The following PRUNE2 variants were observed in gnomAD, a reference collection of about 807,000 sequenced individuals.
PRUNE2 encodes prune homolog 2 with BCH domain, also known as protein prune homolog 2.
Under a neutral mutation model 252.0 loss-of-function variants are expected in PRUNE2, and 164 were observed. The observed-to-expected ratio is 0.65, with a 90% CI of 0.57 to 0.74. The LOEUF (loss-of-function observed/expected upper bound fraction) is 0.74. Ranked by LOEUF, PRUNE2 falls within the 30% of genes least tolerant of loss-of-function variation. PRUNE2 has a pLI of 0.00. For missense variants in PRUNE2, 3,495 were observed against 3,711.0 expected, an observed-to-expected ratio of 0.94 and a Z score of 1.51; for synonymous variants, 1,292 against 1,350.2, an observed-to-expected ratio of 0.96 and a Z score of 0.94.
intron 1 of PRUNE2, among the ~76,000 whole-genome samples, chr9:76,883,771 C>A (rs1247078842): frequency 2.0e-5 from 3 of 152,094 alleles, no homozygotes; most frequent in African/African-American, 7.2e-5. Context: ...CAAAAGTGGC[C>A]CCACCCTTTA....
Position 76,708,931 on chromosome 9 carries a change from A to C in PRUNE2, c.3343T>G (p.Trp1115Gly). The change falls in exon 8 of 19, where the codon TGG (tryptophan) becomes GGG (glycine). Residue 1115 changes from tryptophan (W) to glycine (G), a missense_variant. Physicochemically the swap from Trp to Gly is radical, Grantham distance 184. Coordinates refer to ENST00000376718, the MANE Select transcript of PRUNE2 (RefSeq NM_015225.3). ...GTATCCTCCAAAATCACTCTGTTCC[A>C]CAAGTCGAGACTGTCAGGGGCCGTC... The part of the protein sequence containing the change: ...RQTAPDSLDL[W>G]NRVILEDTQS... 1 of 1,613,966 alleles carries C rather than the reference A, an allele frequency of 6.2e-7. No individual in the cohort carries two copies. Among genetic ancestry groups the C allele is most frequent in the South Asian group, 1.1e-5 (1 of 91,078 alleles).
chr9:76,641,890 TACAC>T, intron 12 of PRUNE2: 6 of 1,449,828 alleles, frequency 4.1e-6, no homozygotes, highest in South Asian at 1.4e-5. Context: ...AACCAAAACA[TACAC>T]ACACACACAC....
chr9:76,876,685 T>C (rs1202344386), intron 1 of PRUNE2, among the ~76,000 whole-genome samples: 2 of 152,046 alleles, frequency 1.3e-5, no homozygotes, highest in Admixed American at 6.5e-5. Flanking sequence ...TCATTCTAAC[T>C]CTTCTGTTTC....
intron 6 of PRUNE2, among the ~76,000 whole-genome samples, chr9:76,715,040 T>G (rs1395589299): frequency 1.3e-5 from 2 of 152,190 alleles, no homozygotes; most frequent in Non-Finnish European, 2.9e-5. Flanking sequence ...TTTTTCTGAT[T>G]ATAATAGCAA....
chr9:76,640,094 G>A (rs960071964), intron 12 of PRUNE2, among the ~76,000 whole-genome samples: 2 of 152,158 alleles, frequency 1.3e-5, no homozygotes, highest in African/African-American at 4.8e-5. Context: ...ATGTCATATA[G>A]TTTTGGACTG....
intron 4 of PRUNE2, among the ~76,000 whole-genome samples, chr9:76,837,150 A>C (rs1191550906): frequency 1.3e-5 from 2 of 152,186 alleles, no homozygotes; most frequent in Admixed American, 6.5e-5. Context: ...TGATTAAAAA[A>C]ATGAAGTTAT....
At chr9:76,669,498 T>G (rs899972150) in intron 9 of PRUNE2, among the ~76,000 whole-genome samples, 3 of 152,116 alleles carry the variant, frequency 2.0e-5, no homozygotes, top group African/African-American at 7.2e-5. Context: ...TTTTGTATTT[T>G]TAGTAGAGAC....
rs199530613 is a variant in PRUNE2, at chr9:76,705,183, T to C, written c.7091A>G (p.Asp2364Gly). 2 of 1,613,956 alleles carry C rather than the reference T, an allele frequency of 1.2e-6. No individual in the cohort carries two copies. Among genetic ancestry groups the C allele is most frequent in the Non-Finnish European group, 1.7e-6 (2 of 1,179,874 alleles). The change falls in exon 8 of 19, where the codon GAT (aspartate) becomes GGT (glycine). Residue 2364 changes from aspartate (D) to glycine (G), a missense_variant. By Grantham distance (94) the Asp-to-Gly change is moderately conservative. Coordinates refer to ENST00000376718, the MANE Select transcript of PRUNE2 (RefSeq NM_015225.3). ...YDVMGQNIDEDLLREPEHFLY... is the reference protein window; with the variant it reads ...YDVMGQNIDEGLLREPEHFLY... Reference sequence around the variant, plus strand: ...GAAGTGTTCAGGCTCTCTCAGTAAATCTTCATCGATATTCTGGCCCATTAC... The same window carrying C: ...GAAGTGTTCAGGCTCTCTCAGTAAACCTTCATCGATATTCTGGCCCATTAC...
chr9:76,644,530 A>G, intron 12 of PRUNE2: 2 of 670,462 alleles, frequency 3.0e-6, no homozygotes, highest in Non-Finnish European at 5.4e-6. Flanking sequence ...CCCGTTTTAT[A>G]TTGGAAAGTT....
Position 76,652,648 on chromosome 9 carries a change from GAT to G in PRUNE2, c.8390_8391del (p.His2797ProfsTer19). 6.2e-7 allele frequency: 1 copy of G among 1,612,734 alleles called. No individual in the cohort carries two copies. Among genetic ancestry groups the G allele is most frequent in the Non-Finnish European group, 8.5e-7 (1 of 1,178,908 alleles). ...GGGGCTGTGAGCTTGATTCTCCGAG[GAT>G]GAGTGTCATTAAGATCCAGAGAATT... ...PPNSLDLNDTHPRRIKLTAPN... is the reference protein window; with the variant it reads ...PPNSLDLNDTXPRRIKLTAPN... On this transcript the variant is annotated frameshift_variant, in exon 11 of 19. Coordinates refer to ENST00000376718, the MANE Select transcript of PRUNE2 (RefSeq NM_015225.3). LOFTEE classifies it high-confidence loss of function.
At chr9:76,876,211 T>C (rs2061467790) in intron 1 of PRUNE2, among the ~76,000 whole-genome samples, 1 of 152,146 alleles carries the variant, frequency 6.6e-6, no homozygotes, top group East Asian at 1.9e-4. Flanking sequence ...GAAATAAAAA[T>C]ACACAATGAA....
Position 76,708,778 on chromosome 9 carries a change from G to A in PRUNE2, c.3496C>T (p.Arg1166Ter), listed in dbSNP as rs1404913916. 25 of 1,613,782 alleles carry A rather than the reference G, an allele frequency of 1.5e-5. No homozygotes were observed. Among genetic ancestry groups the A allele is most frequent in the African/African-American group, 5.3e-5 (4 of 74,884 alleles). ...GGTTCCAGCTGTCTCACTGTAAATC[G>A]GGTTTCCGGCTCGGAACCTTCAGCC... ...YMAEGSEPET[R>*]FTVRQLEPWG... The change falls in exon 8 of 19, where the codon CGA (arginine) becomes TGA (stop). Residue 1166 changes from arginine (R) to a stop codon, truncating the protein, a stop_gained. Coordinates refer to ENST00000376718, the MANE Select transcript of PRUNE2 (RefSeq NM_015225.3). LOFTEE classifies it high-confidence loss of function.
chr9:76,833,004 T>A (rs1234391990), intron 4 of PRUNE2, among the ~76,000 whole-genome samples: 1 of 152,158 alleles, frequency 6.6e-6, no homozygotes, highest in Non-Finnish European at 1.5e-5. Context: ...GTTTTGTATC[T>A]ATTTAAAAAT....
intron 11 of PRUNE2, among the ~76,000 whole-genome samples, chr9:76,648,371 G>A (rs1363650309): frequency 6.6e-6 from 1 of 152,216 alleles, no homozygotes; most frequent in Non-Finnish European, 1.5e-5. Flanking sequence ...TCACATGTAT[G>A]TTTATAGCAG....
chr9:76,881,239 T>C lies in PRUNE2; in HGVS notation c.36+24689A>G, dbSNP rs1347750411. Among the ~76,000 whole-genome samples, 4 of 152,300 alleles carry C rather than the reference T, an allele frequency of 2.6e-5. No individual in the cohort carries two copies. In the East Asian group the frequency reaches 5.8e-4, roughly 22 times the overall value. Reference sequence around the variant, plus strand: ...CCTTGGCCTCCCAAAGTGCTGTGATTACAGGCGTGAGCCACCGAGCCTGGC... The same window carrying C: ...CCTTGGCCTCCCAAAGTGCTGTGATCACAGGCGTGAGCCACCGAGCCTGGC... On this transcript the variant is annotated intron_variant, in intron 1 of 18. Transcript: ENST00000376718.
At chr9:76,817,520 A>G (rs2057767220) in intron 6 of PRUNE2, among the ~76,000 whole-genome samples, 1 of 152,162 alleles carries the variant, frequency 6.6e-6, no homozygotes, top group Non-Finnish European at 1.5e-5. Flanking sequence ...GAGTGTCACA[A>G]CCAGACCAGA....
In PRUNE2 at chr9:76,708,748, C is replaced by A; in HGVS notation, c.3526G>T (p.Gly1176Cys). ...RFTVRQLEPW[G>C]LEYQEANQVD... ...TGATTTGCTTCCTGATACTCCAAGC[C>A]CCAGGGTTCCAGCTGTCTCACTGTA... Residue 1176 changes from glycine to cysteine, a missense_variant, in exon 8 of 19, where the codon GGC becomes TGC. Transcript: ENST00000376718. 6.2e-7 allele frequency: 1 copy of A among 1,613,930 alleles called. No individual in the cohort carries two copies. The highest frequency in any genetic ancestry group is 8.5e-7 in the Non-Finnish European group (1 of 1,179,880).
chr9:76,894,120 G>T (rs759039813), intron 1 of PRUNE2, among the ~76,000 whole-genome samples: 51 of 152,054 alleles, frequency 3.4e-4, no homozygotes, highest in Admixed American at 3.3e-4. Context: ...CAATGATCTT[G>T]GTAAACACTC....
intron 9 of PRUNE2, among the ~76,000 whole-genome samples, chr9:76,683,978 C>A (rs979332706): frequency 2.0e-5 from 3 of 150,920 alleles, no homozygotes; most frequent in African/African-American, 7.3e-5. Flanking sequence ...TACACACACA[C>A]GAATATATAT....
Sources: gnomAD v4.1 joint callset for allele counts (sites outside exome capture counted in the v4.1 genomes callset) on GRCh38, gnomAD v4.1.1 for gene constraint, MANE v1.5 for transcripts, NCBI Gene and HGNC (gene_info 2026-07-23, HGNC 2026-07-21) for gene names.